The following EEF2 variants were observed in gnomAD, a reference collection of about 807,000 sequenced individuals.
EEF2 encodes the protein eukaryotic translation elongation factor 2.
EEF2 carries 21 observed loss-of-function variants against 85.3 expected under a neutral mutation model. The ratio of observed to expected loss-of-function variants is 0.25; its 90% CI spans 0.17 to 0.35. The LOEUF is 0.35. Ranked by LOEUF, EEF2 falls within the 10% of genes least tolerant of loss-of-function variation. The pLI is 1.00. For missense variants in EEF2, 825 were observed against 1,225.3 expected, an observed-to-expected ratio of 0.67 and a Z score of 4.88; for synonymous variants, 723 against 508.8, an observed-to-expected ratio of 1.42 and a Z score of -5.67.
chr19:3,978,992 G>A (rs1317104078), intron 11 of EEF2, among the ~76,000 whole-genome samples: 2 of 151,738 alleles, frequency 1.3e-5, no homozygotes, highest in African/African-American at 2.4e-5. Flanking sequence ...GCCGGGCGTG[G>A]TAGCACGCGC....
Position 3,984,121 on chromosome 19 carries a change from G to A in EEF2, c.218+15C>T, listed in dbSNP as rs756394539. ...GCACCTCCCTGCCTGGGTACAGAGGGCACAGGGAGCTCACGTTGACTTGAT... is the reference window on the plus strand; with the variant it reads ...GCACCTCCCTGCCTGGGTACAGAGGACACAGGGAGCTCACGTTGACTTGAT... On this transcript the variant is annotated intron_variant, in intron 2 of 14. Transcript: ENST00000309311. The A allele has an allele frequency of 8.1e-6, 13 of 1,612,834 alleles. No homozygotes were observed. The highest frequency in any genetic ancestry group is 4.5e-5 in the East Asian group (2 of 44,886).
At chr19:3,981,914 A>G (rs774611450) in intron 6 of EEF2, 33 bp downstream of exon 6, 7 of 1,599,150 alleles carry the variant, frequency 4.4e-6, no homozygotes, top group African/African-American at 1.3e-5. Flanking sequence ...CAATAGTCGC[A>G]TCGGCGGGGT....
chr19:3,981,873 G>T, intron 6 of EEF2, 74 bp downstream of exon 6: 1 of 1,404,826 alleles, frequency 7.1e-7, no homozygotes, highest in Non-Finnish European at 1.0e-6. Flanking sequence ...CAGCCGACAG[G>T]CTACCGGCCG....
rs2039722794 is a variant in EEF2 at position 3,979,792 on chromosome 19, T to C, written c.1605+16A>G. On this transcript the variant is annotated intron_variant, in intron 10 of 14. Coordinates refer to ENST00000309311, the MANE Select transcript of EEF2 (RefSeq NM_001961.4). ...CCTCAGGGTGTCTGCTCCCAGCAGGTGCACTCCGTGCCCACCTGCACCATG... is the reference window on the plus strand; with the variant it reads ...CCTCAGGGTGTCTGCTCCCAGCAGGCGCACTCCGTGCCCACCTGCACCATG... The C allele has an allele frequency of 6.2e-7, 1 of 1,606,996 alleles. No homozygotes were observed. Among genetic ancestry groups the C allele is most frequent in the Non-Finnish European group, 8.5e-7 (1 of 1,175,918 alleles).
chr19:3,981,012 T>G, intron 7 of EEF2, 33 bp from the exon 8 acceptor site: 1 of 1,554,000 alleles, frequency 6.4e-7, no homozygotes, highest in Non-Finnish European at 8.7e-7. Flanking sequence ...ATGAGACACC[T>G]GGGGAGCCCA....
Position 3,985,374 on chromosome 19 carries a change from T to C in EEF2, c.3+4A>G. 2 of 1,510,218 alleles carry C rather than the reference T, an allele frequency of 1.3e-6. No individual in the cohort carries two copies. Among genetic ancestry groups the C allele is most frequent in the East Asian group, 2.7e-5 (1 of 37,218 alleles). 93.6% of individuals were successfully genotyped at this position (1,510,218 alleles called of 1,614,324 possible). On this transcript the variant is annotated splice_donor_region_variant and intron_variant, in intron 1 of 14. Coordinates refer to ENST00000309311, the MANE Select transcript of EEF2 (RefSeq NM_001961.4). ...CGGGGCACCAGCGAGGCAGGGTTAC[T>C]CACCATGGTGGCGGATGGCGGTGGA...
rs1027928338 is a variant in EEF2 at position 3,977,030 on chromosome 19, G to A, written c.2383+185C>T. ...AGCCCTTCTCACACTGGGGATAGGA[G>A]AGCCCCTCCCCTGGGAATTCAGTGA... On this transcript the variant is annotated intron_variant, in intron 14 of 14. Coordinates refer to ENST00000309311, the MANE Select transcript of EEF2 (RefSeq NM_001961.4). The surrounding 1 kb of genome is among the most constrained non-coding windows in gnomAD (Gnocchi z 5.4). Among the ~76,000 whole-genome samples, 2 of 152,224 alleles carry A rather than the reference G, an allele frequency of 1.3e-5. No homozygotes were observed. Among genetic ancestry groups the A allele is most frequent in the Non-Finnish European group, 2.9e-5 (2 of 68,046 alleles).
At chr19:3,983,347 G>A (rs2039779361) in intron 2 of EEF2, 56 bp from the exon 3 acceptor site, 2 of 1,562,114 alleles carry the variant, frequency 1.3e-6, no homozygotes, top group East Asian at 4.6e-5. Flanking sequence ...GGCCCAGGGA[G>A]TCTGGGATGC....
intron 2 of EEF2, 67 bp from the exon 3 acceptor site, chr19:3,983,358 T>A (rs1359473833): frequency 6.5e-7 from 1 of 1,526,736 alleles, no homozygotes; most frequent in African/African-American, 1.4e-5. Context: ...TCTGGGATGC[T>A]GTCAGAAGCC....
chr19:3,982,935 G>A lies in EEF2; in HGVS notation c.484C>T (p.Arg162Cys), dbSNP rs2039774346. The change falls in exon 4 of 15, where the codon CGC becomes TGC. Residue 162 changes from arginine to cysteine, a missense_variant. By Grantham distance (180) the Arg-to-Cys change is radical (BLOSUM62 -3). Coordinates refer to ENST00000309311, the MANE Select transcript of EEF2 (RefSeq NM_001961.4). Reference protein sequence around the residue: ...KPVLMMNKMDRALLELQLEPE... With the variant: ...KPVLMMNKMDCALLELQLEPE... Reference sequence around the variant, plus strand: ...TCCAGCTGCAGCTCCAGCAGGGCGCGGTCCATCTTGTTCATCATCAGCACA... The same window carrying A: ...TCCAGCTGCAGCTCCAGCAGGGCGCAGTCCATCTTGTTCATCATCAGCACA... 1 of 1,613,340 alleles carries A rather than the reference G, an allele frequency of 6.2e-7. No individual in the cohort carries two copies. The highest frequency in any genetic ancestry group is 8.5e-7 in the Non-Finnish European group (1 of 1,179,976).
chr19:3,977,153 T>C lies in EEF2; in HGVS notation c.2383+62A>G, dbSNP rs988826903. ...CCTTTAACACCTTGCTAAGCTTAAC[T>C]GGGCTTCTGTCCCCCAAACCAGCCT... On this transcript the variant is annotated intron_variant, in intron 14 of 14. Coordinates refer to ENST00000309311, the MANE Select transcript of EEF2 (RefSeq NM_001961.4). This position sits in a 1 kb window ranked among gnomAD's most constrained non-coding sequence, Gnocchi z 5.4. 5 of 1,585,960 alleles carry C rather than the reference T, an allele frequency of 3.2e-6. No individual in the cohort carries two copies. The highest frequency in any genetic ancestry group is 1.3e-5 in the African/African-American group (1 of 74,366).
intron 1 of EEF2, among the ~76,000 whole-genome samples, chr19:3,984,623 C>G (rs551021553): frequency 6.6e-6 from 1 of 152,190 alleles, no homozygotes; most frequent in Non-Finnish European, 1.5e-5. Flanking sequence ...TTCCTTGATA[C>G]CAGGTACAAA....
intron 1 of EEF2, 56 bp from the exon 2 acceptor site, chr19:3,984,406 C>G: frequency 6.3e-7 from 1 of 1,579,840 alleles, no homozygotes; most frequent in Non-Finnish European, 8.7e-7. Flanking sequence ...CACAGCATGG[C>G]ACGGAGCGTT....
rs1290721944 is a variant in EEF2 at position 3,978,135 on chromosome 19, C to G, written c.1751G>C (p.Ser584Thr). 1 of 1,476,714 alleles carries G rather than the reference C, an allele frequency of 6.8e-7. No individual in the cohort carries two copies. Among genetic ancestry groups the G allele is most frequent in the Admixed American group, 2.4e-5 (1 of 42,368 alleles). 91.5% of individuals were successfully genotyped at this position (1,476,714 alleles called of 1,614,324 possible). A position where few individuals can be genotyped will look rare whatever the true frequency, so the allele number is the denominator to read the frequency against. Reference protein sequence around the residue: ...DPVVSYRETVSEESNVLCLSK... With the variant: ...DPVVSYRETVTEESNVLCLSK... The stretch of plus-strand genomic sequence containing the variant: ...GAGGCAGAGCACGTTCGACTCTTCA[C>G]TGACCGTCTCGCGGTACGAGACGAC... Residue 584 changes from serine (S) to threonine (T), a missense_variant, in exon 12 of 15, where the codon AGT becomes ACT. Transcript: ENST00000309311.
Position 3,983,243 on chromosome 19 carries a change from G to A in EEF2, c.267C>T (p.Ile89=), listed in dbSNP as rs1399824230. Residue 89 remains isoleucine, a synonymous_variant, in exon 3 of 15, where the codon ATC becomes ATT. Coordinates refer to ENST00000309311, the MANE Select transcript of EEF2 (RefSeq NM_001961.4). ...AGCCGGCACCGTCCTTGCTCTGCTT[G>A]ATGAAGTTCAAGTCATTCTCCGAGA... ...YELSENDLNF[I]KQSKDGAGFL... 2 of 1,613,922 alleles carry A rather than the reference G, an allele frequency of 1.2e-6. No individual in the cohort carries two copies. Among genetic ancestry groups the A allele is most frequent in the Non-Finnish European group, 1.7e-6 (2 of 1,179,960 alleles).
intron 1 of EEF2, among the ~76,000 whole-genome samples, 193 bp from the exon 2 acceptor site, chr19:3,984,543 A>G (rs2039795544): frequency 6.6e-6 from 1 of 152,238 alleles, no homozygotes; most frequent in Admixed American, 6.5e-5. Flanking sequence ...AACCACCGTT[A>G]ATAGGTGTCA....
intron 11 of EEF2, 21 bp downstream of exon 11, chr19:3,979,308 G>A (rs757876627): frequency 2.5e-6 from 4 of 1,602,324 alleles, no homozygotes; most frequent in South Asian, 1.1e-5. Flanking sequence ...GCGTGGGGAA[G>A]GCTGGTCACT....
In EEF2 at chr19:3,976,199, C is replaced by T; in HGVS notation, c.*355G>A. 1 of 267,082 alleles carries T rather than the reference C, an allele frequency of 3.7e-6. No individual in the cohort carries two copies. Among genetic ancestry groups the T allele is most frequent in the Non-Finnish European group, 7.2e-6 (1 of 138,230 alleles). The allele number at this position is 267,082 out of a possible 1,614,324, so 16.5% of individuals were successfully genotyped here. On this transcript the variant is annotated 3_prime_UTR_variant, in exon 15 of 15. Transcript: ENST00000309311. ...TTTCTGGGGCAAAAGCCACTGCGGG[C>T]CATGTACCCAAATAAACCTCTTAAT...
At position 3,985,445 on chromosome 19, in the gene EEF2, G is replaced by A. The variant is rs1392386287; in HGVS notation, c.-65C>T. ...AGAAGCGAGTCGCGCCGAGGATGGC[G>A]GCGACGACGGCGGAAGAGAACGCTG... On this transcript the variant is annotated 5_prime_UTR_variant, in exon 1 of 15. Coordinates refer to ENST00000309311, the MANE Select transcript of EEF2 (RefSeq NM_001961.4). 6 of 1,430,720 alleles carry A rather than the reference G, an allele frequency of 4.2e-6. No homozygotes were observed. Among genetic ancestry groups the A allele is most frequent in the Admixed American group, 3.0e-5 (1 of 33,102 alleles). The allele number at this position is 1,430,720 out of a possible 1,614,324, so 88.6% of individuals were successfully genotyped here.
Sources: gnomAD v4.1 joint callset for allele counts (sites outside exome capture counted in the v4.1 genomes callset) on GRCh38, gnomAD v4.1.1 for gene constraint, Gnocchi (gnomAD v3.1) non-coding constraint, MANE v1.5 for transcripts, NCBI Gene and HGNC (gene_info 2026-07-23, HGNC 2026-07-21) for gene names.